The following ABCB1 variants were observed in gnomAD, a reference collection of about 807,000 sequenced individuals.
ABCB1 encodes ATP binding cassette subfamily B member 1.
In ABCB1, 69 loss-of-function variants were observed where a neutral mutation model predicts 142.0. That is an observed-to-expected ratio of 0.49 (90% CI 0.40 to 0.59). The LOEUF (loss-of-function observed/expected upper bound fraction) is 0.59, where lower values mean the gene tolerates loss of function less well. ABCB1 is among the 20% of genes least tolerant of loss of function. The pLI, the probability that ABCB1 is intolerant of heterozygous loss-of-function variation, is 0.00. For missense variants in ABCB1, 1,326 were observed against 1,554.7 expected (o/e 0.85, Z 2.47); for synonymous variants, 532 against 539.2 (o/e 0.99, Z 0.18).
chr7:87,582,386 T>C lies in ABCB1; in HGVS notation c.286+3126A>G, dbSNP rs533992932. ...TTTTCCAATGCATTTTATTTATCTC[T>C]GTATTATATCACTAATCAAATTCGA... On this transcript the variant is annotated intron_variant, in intron 4 of 27. Transcript: ENST00000622132. Among the ~76,000 whole-genome samples the C allele has an allele frequency of 4.6e-5, 7 of 152,314 alleles. No homozygotes were observed. In the South Asian group the frequency reaches 1.5e-3, roughly 32 times the overall value.
intron 1 of ABCB1, chr7:87,650,712 C>T: frequency 4.3e-6 from 3 of 695,602 alleles, no homozygotes; most frequent in Non-Finnish European, 5.2e-6. Flanking sequence ...ATGTTATACT[C>T]TTGTAAAATA....
rs2235065 is a variant in ABCB1, at chr7:87,539,212, A to G, written c.2397+56T>C. 1.6e-3 allele frequency: 2,524 copies of G among 1,547,526 alleles called. 93 individuals carry two copies. In the Admixed American group the frequency reaches 0.04, roughly 24 times the overall value. ...ACAGAGCTCCCACTGTCTGAGTCCA[A>G]GGGGCACACATGGGGAGTTCTACAC... On this transcript the variant is annotated intron_variant, in intron 19 of 27. Coordinates refer to ENST00000622132, the MANE Select transcript of ABCB1 (RefSeq NM_001348946.2).
chr7:87,605,336 A>G (rs1819611240), upstream of ABCB1, among the ~76,000 whole-genome samples: 1 of 152,126 alleles, frequency 6.6e-6, no homozygotes, highest in Non-Finnish European at 1.5e-5. Flanking sequence ...GTTTCACCAC[A>G]TTGACTAGGC....
intron 3 of ABCB1, among the ~76,000 whole-genome samples, chr7:87,593,738 T>C (rs530407154): frequency 5.3e-5 from 8 of 152,248 alleles, no homozygotes; most frequent in Non-Finnish European, 1.0e-4. Context: ...CTAATGAGCT[T>C]CTCTGATAAA....
At chr7:87,647,344 C>G (rs1258163649) in intron 1 of ABCB1, among the ~76,000 whole-genome samples, 1 of 151,946 alleles carries the variant, frequency 6.6e-6, no homozygotes, top group Non-Finnish European at 1.5e-5. Flanking sequence ...TTAAAAATTC[C>G]CATTTTCTAA....
chr7:87,666,760 C>T (rs1183155604), intron 1 of ABCB1, among the ~76,000 whole-genome samples: 1 of 152,056 alleles, frequency 6.6e-6, no homozygotes, highest in Non-Finnish European at 1.5e-5. Flanking sequence ...TTCCCCATTG[C>T]TTGTTTTTGT....
chr7:87,647,917 G>T (rs1287614130), intron 1 of ABCB1, among the ~76,000 whole-genome samples: 1 of 152,140 alleles, frequency 6.6e-6, no homozygotes, highest in Non-Finnish European at 1.5e-5. Context: ...AGGCACGGTG[G>T]CTCATGCCTG....
intron 21 of ABCB1, among the ~76,000 whole-genome samples, chr7:87,527,735 G>A (rs7787082): frequency 0.29 from 44,000 of 152,072 alleles, 8,745 homozygotes; most frequent in African/African-American, 0.56. Context: ...TGCTGAGATT[G>A]TTAGTGTCAC....
chr7:87,661,998 G>A (rs1824759399), intron 1 of ABCB1, among the ~76,000 whole-genome samples: 1 of 152,056 alleles, frequency 6.6e-6, no homozygotes, highest in South Asian at 2.1e-4. Flanking sequence ...TTTATCTGAT[G>A]ATCAATGATG....
intron 23 of ABCB1, among the ~76,000 whole-genome samples, chr7:87,517,132 T>C (rs1253130521): frequency 6.6e-6 from 1 of 152,208 alleles, no homozygotes; most frequent in South Asian, 2.1e-4. Flanking sequence ...TAAGTTCATG[T>C]CTATGTGATA....
chr7:87,628,587 GT>G, intron 1 of ABCB1: 4 of 12,218 alleles, frequency 3.3e-4, no homozygotes, highest in East Asian at 1.9e-3. Context: ...GTGCGTGCGT[GT>G]GTGTGTGTGT....
intron 1 of ABCB1, among the ~76,000 whole-genome samples, chr7:87,646,315 T>A (rs1039629237): frequency 1.4e-4 from 21 of 152,120 alleles, no homozygotes; most frequent in African/African-American, 5.1e-4. Context: ...ACAAAGTAAA[T>A]AGTTTGTTAA....
At chr7:87,677,817 A>C (rs1219813435) in intron 1 of ABCB1, among the ~76,000 whole-genome samples, 2 of 152,220 alleles carry the variant, frequency 1.3e-5, no homozygotes, top group Non-Finnish European at 2.9e-5. Flanking sequence ...AATTTATTAC[A>C]TATAGGGAAC....
Position 87,550,516 on chromosome 7 carries a change from C to T in ABCB1, c.1176G>A (p.Leu392=), listed in dbSNP as rs1236609925. 1 of 1,613,438 alleles carries T rather than the reference C, an allele frequency of 6.2e-7. No individual in the cohort carries two copies. ...AACTGAAGTGAACATTTCTGAATTC[C>T]AAATTTCCCTTAATATTATCTGGTT... ...GHKPDNIKGN[L]EFRNVHFSYP... The change falls in exon 11 of 28, where the codon TTG becomes TTA. Residue 392 remains leucine, a synonymous_variant. Transcript: ENST00000622132.
At chr7:87,522,971 T>C (rs113521552) in intron 21 of ABCB1, among the ~76,000 whole-genome samples, 48 of 152,366 alleles carry the variant, frequency 3.2e-4, no homozygotes, top group African/African-American at 1.1e-3. Flanking sequence ...CCTTTATTGT[T>C]GAGCCAGGTT....
intron 1 of ABCB1, among the ~76,000 whole-genome samples, chr7:87,674,709 T>C (rs962259639): frequency 1.3e-5 from 2 of 152,070 alleles, no homozygotes; most frequent in Non-Finnish European, 1.5e-5. Context: ...GGAGGCATGA[T>C]AGGGCCCCCA....
chr7:87,703,143 C>G (rs145312796), intron 1 of ABCB1, among the ~76,000 whole-genome samples: 1 of 151,874 alleles, frequency 6.6e-6, no homozygotes, highest in South Asian at 2.1e-4. Context: ...CATTATTTCA[C>G]GATTATAGAA....
At chr7:87,507,744 C>T (rs1178339245) in intron 26 of ABCB1, among the ~76,000 whole-genome samples, 1 of 152,066 alleles carries the variant, frequency 6.6e-6, no homozygotes, top group African/African-American at 2.4e-5. Flanking sequence ...GGGGCACTTC[C>T]TTAGAATAAA....
At chr7:87,633,904 G>A (rs1821475767) in intron 1 of ABCB1, among the ~76,000 whole-genome samples, 1 of 152,148 alleles carries the variant, frequency 6.6e-6, no homozygotes, top group Non-Finnish European at 1.5e-5. Flanking sequence ...AGTTTATAAA[G>A]AAAAGAGGTT....
Sources: allele counts gnomAD v4.1 joint callset (sites outside exome capture counted in the v4.1 genomes callset), GRCh38; gene constraint gnomAD v4.1.1; transcripts MANE v1.5; gene names NCBI Gene and HGNC (gene_info 2026-07-23, HGNC 2026-07-21).